Variants in NXN observed in about 807,000 individuals in gnomAD.
NXN encodes nucleoredoxin 1.
In NXN, 16 loss-of-function variants were observed where a neutral mutation model predicts 48.6. The observed-to-expected ratio is 0.33, with a 90% CI of 0.22 to 0.50. The LOEUF (loss-of-function observed/expected upper bound fraction) is 0.50, where lower values mean the gene tolerates loss of function less well. NXN is among the 20% of genes least tolerant of loss of function. The probability of loss-of-function intolerance (pLI) is 0.98; values close to 1 mark genes in which losing one functional copy is unlikely to be tolerated. For missense variants in NXN, 492 were observed against 605.5 expected, an observed-to-expected ratio of 0.81 and a Z score of 1.97; for synonymous variants, 281 against 269.6, an observed-to-expected ratio of 1.04 and a Z score of -0.41.
intron 1 of NXN, among the ~76,000 whole-genome samples, chr17:933,601 A>C (rs2068876481): frequency 1.3e-5 from 2 of 150,584 alleles, no homozygotes; most frequent in African/African-American, 2.5e-5. Flanking sequence ...ATCCCTCTCA[A>C]CTCCCCACCG....
At chr17:961,269 C>A (rs554272117) in intron 1 of NXN, among the ~76,000 whole-genome samples, 2 of 152,124 alleles carry the variant, frequency 1.3e-5, no homozygotes, top group East Asian at 3.9e-4. Flanking sequence ...TGGCGCGTGC[C>A]TGCCACTTGG....
At chr17:943,172 C>G (rs900671518) in intron 1 of NXN, among the ~76,000 whole-genome samples, 1 of 152,176 alleles carries the variant, frequency 6.6e-6, no homozygotes, top group African/African-American at 2.4e-5. Context: ...AATGTTAGCC[C>G]CTGCGCAGGC....
chr17:878,424 GGTGCCCTTGAAGGAGGGGT>G (rs2068242679), intron 1 of NXN, among the ~76,000 whole-genome samples: 2 of 125,968 alleles, frequency 1.6e-5, no homozygotes, highest in East Asian at 2.7e-4. Flanking sequence ...TGGGGGAGGG[GGTGCCCTTGAAGGAGGGGT>G]TTGCGGGCGG....
chr17:840,114 A>T (rs1011303940), intron 1 of NXN, among the ~76,000 whole-genome samples: 1 of 150,670 alleles, frequency 6.6e-6, no homozygotes, highest in East Asian at 1.9e-4. Context: ...AAAAAGAGAG[A>T]GAGAGAGAAT....
At chr17:954,116 G>A (rs2069141774) in intron 1 of NXN, among the ~76,000 whole-genome samples, 1 of 152,106 alleles carries the variant, frequency 6.6e-6, no homozygotes, top group Non-Finnish European at 1.5e-5. Flanking sequence ...CGTGGCTCAT[G>A]CCTGTCATCC....
rs552763295 is a variant in NXN at position 810,369 on chromosome 17, C to G, written c.821-5122G>C. Among the ~76,000 whole-genome samples the G allele has an allele frequency of 2.0e-5, 3 of 152,018 alleles. No individual in the cohort carries two copies. The East Asian group carries it at 5.8e-4, about 29-fold the overall frequency. ...GTACGTTAAGAGTCCGTGTGAGTTGCTGCTGAGGCAGGAATGTGGGTGGGA... is the reference window on the plus strand; with the variant it reads ...GTACGTTAAGAGTCCGTGTGAGTTGGTGCTGAGGCAGGAATGTGGGTGGGA... On this transcript the variant is annotated intron_variant, in intron 5 of 7. Coordinates refer to ENST00000336868, the MANE Select transcript of NXN (RefSeq NM_022463.5).
chr17:885,528 C>T (rs902078028), intron 1 of NXN, among the ~76,000 whole-genome samples: 7 of 151,876 alleles, frequency 4.6e-5, no homozygotes, highest in East Asian at 3.9e-4. Flanking sequence ...TTTCATAGTC[C>T]GTCTCCTATG....
chr17:842,536 C>A, intron 1 of NXN: 2 of 985,410 alleles, frequency 2.0e-6, no homozygotes, highest in Middle Eastern at 5.2e-4. Flanking sequence ...TTCGAAGACG[C>A]CAACCAGAGG....
intron 1 of NXN, among the ~76,000 whole-genome samples, chr17:879,082 T>C (rs975178727): frequency 6.6e-6 from 1 of 151,664 alleles, no homozygotes; most frequent in African/African-American, 2.4e-5. Flanking sequence ...GGAGAATCAC[T>C]TGAACCCGGG....
intron 1 of NXN, among the ~76,000 whole-genome samples, chr17:827,804 G>A (rs4393630): frequency 0.63 from 96,084 of 151,690 alleles, 31,534 homozygotes; most frequent in African/African-American, 0.81. Context: ...AGGATGTGTG[G>A]CAGCCAAGCA....
At chr17:938,305 G>C (rs544106733) in intron 1 of NXN, among the ~76,000 whole-genome samples, 1 of 152,258 alleles carries the variant, frequency 6.6e-6, no homozygotes. Flanking sequence ...AGAGCAGGCG[G>C]CAAGAGCTTG....
In NXN at chr17:841,448, C is replaced by CCGACCACGGCGCA. The variant is rs1567827521; in HGVS notation, c.361-15371_361-15370insTGCGCCGTGGTCG. ...ATCTCACACGGGCGAGCAGGTCCCCCTGACCACGGCGCATCTCACACGGGC... is the reference window on the plus strand; with the variant it reads ...ATCTCACACGGGCGAGCAGGTCCCCCCGACCACGGCGCATGACCACGGCGCATCTCACACGGGC... On this transcript the variant is annotated intron_variant, in intron 1 of 7. Transcript: ENST00000336868. Among the ~76,000 whole-genome samples, 25 of 129,304 alleles carry CCGACCACGGCGCA rather than the reference C, an allele frequency of 1.9e-4. 1 individual carries two copies. The highest frequency in any genetic ancestry group is 4.5e-4 in the East Asian group (2 of 4,478). 84.8% of individuals were successfully genotyped at this position (129,304 alleles called of 152,430 possible). A position where few individuals can be genotyped will look rare whatever the true frequency, so the allele number is the denominator to read the frequency against.
chr17:975,682 C>A (rs1015932162), intron 1 of NXN, among the ~76,000 whole-genome samples: 1 of 152,178 alleles, frequency 6.6e-6, no homozygotes, highest in African/African-American at 2.4e-5. Context: ...GTCAGTGCAC[C>A]CACACTGACC....
chr17:819,377 AC>A, intron 5 of NXN, 61 bp downstream of exon 5: 1 of 1,144,560 alleles, frequency 8.7e-7, no homozygotes, highest in Non-Finnish European at 1.3e-6. Flanking sequence ...AGCCAAAGAC[AC>A]GGTGAGCTCA....
intron 1 of NXN, among the ~76,000 whole-genome samples, chr17:943,090 A>T (rs937133137): frequency 6.6e-6 from 1 of 152,186 alleles, no homozygotes; most frequent in Non-Finnish European, 1.5e-5. Flanking sequence ...CCGGCACTAG[A>T]CCCTCCTCCC....
chr17:886,768 ACT>A (rs2068352965), intron 1 of NXN, among the ~76,000 whole-genome samples: 2 of 130,836 alleles, frequency 1.5e-5, no homozygotes, highest in Non-Finnish European at 3.2e-5. Flanking sequence ...ACAGAGTGAG[ACT>A]CTGTCTCAAA....
intron 1 of NXN, among the ~76,000 whole-genome samples, chr17:835,323 A>G (rs1396379014): frequency 2.0e-5 from 3 of 151,622 alleles, no homozygotes; most frequent in South Asian, 2.1e-4. Flanking sequence ...AAAAAAAAAA[A>G]GAAAACGTCA....
At chr17:943,621 A>C (rs2069007214) in intron 1 of NXN, among the ~76,000 whole-genome samples, 1 of 152,014 alleles carries the variant, frequency 6.6e-6, no homozygotes, top group South Asian at 2.1e-4. Context: ...CAGGAGTTCA[A>C]AACCAGCCTG....
At chr17:823,870 C>A in intron 2 of NXN, 105 bp from the exon 3 acceptor site, 1 of 1,172,466 alleles carries the variant, frequency 8.5e-7, no homozygotes, top group Non-Finnish European at 1.2e-6. Flanking sequence ...ACCTGGGACC[C>A]GGGAGACCTC....
Sources: gnomAD v4.1 joint callset for allele counts (sites outside exome capture counted in the v4.1 genomes callset) on GRCh38, gnomAD v4.1.1 for gene constraint, MANE v1.5 for transcripts, NCBI Gene and HGNC (gene_info 2026-07-23, HGNC 2026-07-21) for gene names.